PPP2R1B: variants seen among roughly 807,000 people sequenced by gnomAD.
PPP2R1B encodes the protein serine/threonine-protein phosphatase 2A 65 kDa regulatory subunit A beta isoform.
A neutral mutation model predicts 72.7 loss-of-function variants in PPP2R1B; 58 were observed. The ratio of observed to expected loss-of-function variants is 0.80; its 90% CI spans 0.65 to 0.99. The LOEUF is 0.99. PPP2R1B is among the 50% of genes least tolerant of loss of function. PPP2R1B has a pLI of 0.00. For missense variants in PPP2R1B, 695 were observed against 733.6 expected (o/e 0.95, Z 0.61); for synonymous variants, 256 against 264.6 (o/e 0.97, Z 0.32).
At chr11:111,753,994 G>A (rs563664741) in intron 8 of PPP2R1B, among the ~76,000 whole-genome samples, 1 of 151,770 alleles carries the variant, frequency 6.6e-6, no homozygotes, top group South Asian at 2.1e-4. Context: ...ATAGCTCACT[G>A]CCATCTCAAC....
In PPP2R1B at chr11:111,739,761, TAAAG is replaced by T. The variant is rs527813869; in HGVS notation, c.*1831_*1834del. The T allele has an allele frequency of 1.6e-4, 161 of 976,104 alleles. No individual in the cohort carries two copies. In the African/African-American group the frequency reaches 2.7e-3, roughly 16 times the overall value. The allele number at this position is 976,104 out of a possible 1,614,324, so 60.5% of individuals were successfully genotyped here. A position where few individuals can be genotyped will look rare whatever the true frequency, so the allele number is the denominator to read the frequency against. On this transcript the variant is annotated 3_prime_UTR_variant, in exon 15 of 15. Coordinates refer to ENST00000527614, the MANE Select transcript of PPP2R1B (RefSeq NM_002716.5). ...AACATAACTTGCAGGTAACAAAAAATAAAGACTCATGAAACTAAAATTAAAATGT... is the reference window on the plus strand; with the variant it reads ...AACATAACTTGCAGGTAACAAAAAATACTCATGAAACTAAAATTAAAATGT...
At chr11:111,718,214 T>G in the PPP2R1B span, among the ~76,000 whole-genome samples, 2 of 152,272 alleles carry the variant, frequency 1.3e-5, no homozygotes, top group African/African-American at 4.8e-5. Context: ...CTTATTCATT[T>G]CTAAACCATT....
intron 3 of PPP2R1B, 193 bp from the exon 4 acceptor site, chr11:111,761,244 T>C: frequency 1.5e-6 from 1 of 689,570 alleles, no homozygotes; most frequent in Non-Finnish European, 2.6e-6. Context: ...ACGACTTCTG[T>C]AGAAAAGCCA....
chr11:111,696,420 C>G, the PPP2R1B span, among the ~76,000 whole-genome samples: 4 of 152,096 alleles, frequency 2.6e-5, no homozygotes, highest in Non-Finnish European at 5.9e-5. Flanking sequence ...ACTGTTGCAA[C>G]TCTTCTATAA....
chr11:111,738,295 A>C lies in PPP2R1B; in HGVS notation c.*3301T>G. On this transcript the variant is annotated 3_prime_UTR_variant, in exon 15 of 15. Transcript: ENST00000527614. Reference sequence around the variant, plus strand: ...ACGATAAGAGTGTCACCATTTTTAAAAGTCAGAGGAATTTAAGTAAAAGGC... The same window carrying C: ...ACGATAAGAGTGTCACCATTTTTAACAGTCAGAGGAATTTAAGTAAAAGGC... The C allele has an allele frequency of 2.0e-6, 2 of 985,522 alleles. No individual in the cohort carries two copies. The highest frequency in any genetic ancestry group is 2.4e-6 in the Non-Finnish European group (2 of 829,994). The allele number at this position is 985,522 out of a possible 1,614,324, so 61.0% of individuals were successfully genotyped here. A position where few individuals can be genotyped will look rare whatever the true frequency, so the allele number is the denominator to read the frequency against.
the PPP2R1B span, among the ~76,000 whole-genome samples, chr11:111,713,832 T>G: frequency 6.6e-6 from 1 of 151,554 alleles, no homozygotes; most frequent in East Asian, 1.9e-4. Context: ...CTTGGGGAGG[T>G]TGCGGGCGCC....
At chr11:111,748,883 A>G (rs1555047089) in intron 10 of PPP2R1B, among the ~76,000 whole-genome samples, 1 of 151,930 alleles carries the variant, frequency 6.6e-6, no homozygotes, top group Admixed American at 6.6e-5. Context: ...GTCTCACTCT[A>G]TTGCCCAGGC....
chr11:111,742,320 A>AACAC, intron 13 of PPP2R1B, 176 bp from the exon 14 acceptor site: 1 of 750,662 alleles, frequency 1.3e-6, no homozygotes, highest in Non-Finnish European at 2.1e-6. Flanking sequence ...TCAGCTTCAG[A>AACAC]CAAGGATCTA....
chr11:111,731,562 A>C (rs1025781993), intron 15 of PPP2R1B, among the ~76,000 whole-genome samples: 1 of 152,194 alleles, frequency 6.6e-6, no homozygotes, highest in Non-Finnish European at 1.5e-5. Flanking sequence ...CAGGATCTCG[A>C]CTGAAATTTG....
chr11:111,722,350 T>C (rs1943827315), downstream of PPP2R1B, among the ~76,000 whole-genome samples: 2 of 152,274 alleles, frequency 1.3e-5, no homozygotes, highest in African/African-American at 4.8e-5. The surrounding 1 kb of genome is among the most constrained non-coding windows in gnomAD (Gnocchi z 4.4). Flanking sequence ...GAATCATTCA[T>C]TCAGCGGGTG....
Position 111,741,392 on chromosome 11 carries a change from T to C in PPP2R1B, c.*204A>G. On this transcript the variant is annotated 3_prime_UTR_variant, in exon 15 of 15. Coordinates refer to ENST00000527614, the MANE Select transcript of PPP2R1B (RefSeq NM_002716.5). ...TGGTCAATAAGAACGGCTTAAATAA[T>C]GATTTAACAAGGAAGACGAGTAAAA... 3.6e-6 allele frequency: 5 copies of C among 1,394,740 alleles called. No homozygotes were observed. Among genetic ancestry groups the C allele is most frequent in the African/African-American group, 1.5e-5 (1 of 68,460 alleles). 86.4% of individuals were successfully genotyped at this position (1,394,740 alleles called of 1,614,324 possible). A position where few individuals can be genotyped will look rare whatever the true frequency, so the allele number is the denominator to read the frequency against.
chr11:111,761,724 C>T (rs1185752547), intron 3 of PPP2R1B, among the ~76,000 whole-genome samples: 55 of 152,196 alleles, frequency 3.6e-4, no homozygotes, highest in Admixed American at 3.6e-3. Flanking sequence ...GTCGGGAGGC[C>T]GAGGTGGGCA....
chr11:111,727,258 G>T, intron 15 of PPP2R1B: 1 of 597,560 alleles, frequency 1.7e-6, no homozygotes, highest in Non-Finnish European at 3.0e-6. Context: ...CCCACCAGGG[G>T]AGTGGGGATG....
the PPP2R1B span, among the ~76,000 whole-genome samples, chr11:111,702,628 T>C: frequency 6.6e-6 from 1 of 152,208 alleles, no homozygotes. Flanking sequence ...GCGCCTGCCA[T>C]ATAGTGACAG....
At chr11:111,724,431 C>G (rs1021512130), downstream of PPP2R1B, 12 of 409,894 alleles carry the variant, frequency 2.9e-5, no homozygotes, top group African/African-American at 1.6e-4. Context: ...AGAAGACATT[C>G]AGACCCAGGT....
At chr11:111,693,879 C>T in the PPP2R1B span, among the ~76,000 whole-genome samples, 6 of 152,150 alleles carry the variant, frequency 3.9e-5, no homozygotes, top group African/African-American at 1.4e-4. Flanking sequence ...AGAGTATGGG[C>T]TGTGTAGTCA....
chr11:111,736,728 A>T (rs1020316002), downstream of PPP2R1B, among the ~76,000 whole-genome samples: 1 of 152,244 alleles, frequency 6.6e-6, no homozygotes, highest in Non-Finnish European at 1.5e-5. Flanking sequence ...TGTGACTTAA[A>T]AGGCAGCCTT....
the PPP2R1B span, among the ~76,000 whole-genome samples, chr11:111,720,160 C>A: frequency 6.6e-6 from 1 of 152,298 alleles, no homozygotes; most frequent in African/African-American, 2.4e-5. Flanking sequence ...CACAGCCTGG[C>A]AGCAGCTATC....
At chr11:111,698,828 T>C in the PPP2R1B span, among the ~76,000 whole-genome samples, 1 of 152,240 alleles carries the variant, frequency 6.6e-6, no homozygotes, top group Admixed American at 6.5e-5. Flanking sequence ...AATTATTGTA[T>C]GTATTTCAGG....
Sources: allele counts gnomAD v4.1 joint callset (sites outside exome capture counted in the v4.1 genomes callset), GRCh38; gene constraint gnomAD v4.1.1; non-coding constraint Gnocchi (gnomAD v3.1); transcripts MANE v1.5; gene names NCBI Gene and HGNC (gene_info 2026-07-23, HGNC 2026-07-21).